ITGA11: variants seen among roughly 807,000 people sequenced by gnomAD.
The protein encoded by ITGA11 is integrin alpha-11.
Under a neutral mutation model 141.9 loss-of-function variants are expected in ITGA11, and 97 were observed. That is an observed-to-expected ratio of 0.68 (90% confidence interval 0.58 to 0.81). The LOEUF is 0.81. Among genes scored for constraint, ITGA11 ranks in the 30% least tolerant of loss-of-function variants. The pLI is 0.00. For missense variants in ITGA11, 1,387 were observed against 1,559.2 expected (o/e 0.89, Z 1.86); for synonymous variants, 658 against 624.6 (o/e 1.05, Z -0.80).
intron 1 of ITGA11, among the ~76,000 whole-genome samples, chr15:68,413,675 C>G (rs754168797): frequency 6.6e-6 from 1 of 152,150 alleles, no homozygotes; most frequent in African/African-American, 2.4e-5. Context: ...TTTGTAACAT[C>G]GAAGACCCAC....
intron 2 of ITGA11, among the ~76,000 whole-genome samples, chr15:68,374,820 C>A (rs1225778811): frequency 6.6e-6 from 1 of 152,250 alleles, no homozygotes; most frequent in East Asian, 1.9e-4. Context: ...CTCACAGCCT[C>A]CCTCTGCAAG....
chr15:68,368,588 C>T (rs1049643230), intron 3 of ITGA11, among the ~76,000 whole-genome samples: 6 of 152,178 alleles, frequency 3.9e-5, no homozygotes, highest in Non-Finnish European at 8.8e-5. Context: ...CTTGCATTTC[C>T]GAAGGGCAGT....
chr15:68,323,348 C>CTGTT (rs1174313426), intron 18 of ITGA11, among the ~76,000 whole-genome samples: 1 of 152,212 alleles, frequency 6.6e-6, no homozygotes, highest in African/African-American at 2.4e-5. Context: ...ACTCAGCATA[C>CTGTT]TGTTTAAGAA....
intron 20 of ITGA11, among the ~76,000 whole-genome samples, chr15:68,317,780 A>G (rs1893644469): frequency 6.6e-6 from 1 of 152,110 alleles, no homozygotes; most frequent in South Asian, 2.1e-4. Flanking sequence ...TACAGTTATG[A>G]TGATTATTTG....
intron 12 of ITGA11, 58 bp from the exon 13 acceptor site, chr15:68,332,536 G>A (rs1225723728): frequency 3.8e-6 from 6 of 1,565,058 alleles, no homozygotes; most frequent in Non-Finnish European, 5.2e-6. Flanking sequence ...ACAACCCAGA[G>A]CCCTCGCCTC....
intron 1 of ITGA11, among the ~76,000 whole-genome samples, chr15:68,416,299 G>T (rs1218001768): frequency 6.6e-6 from 1 of 152,184 alleles, no homozygotes; most frequent in African/African-American, 2.4e-5. Context: ...AGGAGTGAGG[G>T]TCCCTTCCCT....
Position 68,326,808 on chromosome 15 carries a change from G to C in ITGA11, c.2069-12C>G, listed in dbSNP as rs1893989752. 1.3e-6 allele frequency: 2 copies of C among 1,571,224 alleles called. No individual in the cohort carries two copies. The highest frequency in any genetic ancestry group is 3.7e-5 in the Admixed American group (2 of 54,334). On this transcript the variant is annotated splice_polypyrimidine_tract_variant and intron_variant, in intron 16 of 29. Coordinates refer to ENST00000315757, the MANE Select transcript of ITGA11 (RefSeq NM_001004439.2). The surrounding 1 kb of genome is among the most constrained non-coding windows in gnomAD (Gnocchi z 6.8). Reference sequence around the variant, plus strand: ...GTTGTATCTGATGCCTGCAGGAGGGGAGAGGGCAAGACCACAAAGGTGGAG... The same window carrying C: ...GTTGTATCTGATGCCTGCAGGAGGGCAGAGGGCAAGACCACAAAGGTGGAG...
chr15:68,313,315 T>G (rs576885914), intron 23 of ITGA11, among the ~76,000 whole-genome samples: 9 of 144,712 alleles, frequency 6.2e-5, no homozygotes, highest in African/African-American at 2.3e-4. Context: ...TGGGGGCCAG[T>G]AGCATGCCAA....
chr15:68,431,268 G>T (rs1019589791), intron 1 of ITGA11, among the ~76,000 whole-genome samples: 4 of 152,094 alleles, frequency 2.6e-5, no homozygotes, highest in Admixed American at 6.5e-5. Context: ...TGCATTAGGC[G>T]GCGGCGCGCG....
intron 21 of ITGA11, among the ~76,000 whole-genome samples, chr15:68,316,928 C>G (rs1209200038): frequency 6.6e-6 from 1 of 152,160 alleles, no homozygotes; most frequent in Non-Finnish European, 1.5e-5. Flanking sequence ...CTCCCCATCC[C>G]TCCTCATACA....
intron 9 of ITGA11, 116 bp from the exon 10 acceptor site, chr15:68,349,016 C>T (rs560620085): frequency 3.8e-6 from 3 of 786,320 alleles, no homozygotes; most frequent in Admixed American, 2.9e-5. Flanking sequence ...AGGTGGGGCT[C>T]TCTTTCGAGG....
chr15:68,351,181 T>A, intron 8 of ITGA11, 77 bp downstream of exon 8: 1 of 1,492,712 alleles, frequency 6.7e-7, no homozygotes, highest in Non-Finnish European at 9.2e-7. Context: ...CTGGAACTAG[T>A]CCCTTGGAGT....
chr15:68,362,667 AATGG>A (rs968767876), intron 4 of ITGA11, among the ~76,000 whole-genome samples: 1 of 151,966 alleles, frequency 6.6e-6, no homozygotes, highest in African/African-American at 2.4e-5. Context: ...TGGATGGATA[AATGG>A]ATGGAAGATG....
chr15:68,384,831 G>A (rs1478679531), intron 2 of ITGA11, among the ~76,000 whole-genome samples: 1 of 152,206 alleles, frequency 6.6e-6, no homozygotes, highest in Non-Finnish European at 1.5e-5. Flanking sequence ...AAGAGCAAAG[G>A]ATGTTGCTCA....
At position 68,332,200 on chromosome 15, in the gene ITGA11, C is replaced by A. The variant is rs1894194734; in HGVS notation, c.1566+138G>T. 6 of 1,263,728 alleles carry A rather than the reference C, an allele frequency of 4.7e-6. No individual in the cohort carries two copies. In the East Asian group the frequency reaches 7.6e-5, roughly 16 times the overall value. The allele number at this position is 1,263,728 out of a possible 1,614,324, so 78.3% of individuals were successfully genotyped here. ...CCCGTCTCTGGCTATATGAACCCAG[C>A]CACAGAGGAGGCTCTGATTCTCCCC... On this transcript the variant is annotated intron_variant, in intron 13 of 29. Transcript: ENST00000315757.
chr15:68,383,715 A>T (rs1460814969), intron 2 of ITGA11, among the ~76,000 whole-genome samples: 2 of 152,214 alleles, frequency 1.3e-5, no homozygotes, highest in Non-Finnish European at 2.9e-5. Flanking sequence ...AGTTATAGAA[A>T]GCCACTCTCA....
chr15:68,335,638 C>G lies in ITGA11; in HGVS notation c.1425+59G>C, dbSNP rs1259512054. The G allele has an allele frequency of 5.1e-6, 8 of 1,579,888 alleles. No homozygotes were observed. Among genetic ancestry groups the G allele is most frequent in the Non-Finnish European group, 6.0e-6 (7 of 1,157,514 alleles). ...GGCATGCCTGTATTTACTGCCCTCC[C>G]ATTTGTCTGATCTGCCCCCTCTTCC... is the stretch of plus-strand genomic sequence containing the variant. On this transcript the variant is annotated intron_variant, in intron 12 of 29. Transcript: ENST00000315757. The surrounding 1 kb of genome is among the most constrained non-coding windows in gnomAD (Gnocchi z 4.9).
intron 12 of ITGA11, among the ~76,000 whole-genome samples, chr15:68,334,953 C>A (rs1475741344): frequency 6.6e-6 from 1 of 152,072 alleles, no homozygotes; most frequent in Non-Finnish European, 1.5e-5. Context: ...GAGGGTGGCG[C>A]TCTGCAGTGA....
intron 19 of ITGA11, among the ~76,000 whole-genome samples, chr15:68,320,641 G>A (rs2140287457): frequency 6.6e-6 from 1 of 152,304 alleles, no homozygotes; most frequent in Non-Finnish European, 1.5e-5. Context: ...TGAACCCAGA[G>A]CTCTTATTTG....
Sources: gnomAD v4.1 joint callset for allele counts (sites outside exome capture counted in the v4.1 genomes callset) on GRCh38, gnomAD v4.1.1 for gene constraint, Gnocchi (gnomAD v3.1) non-coding constraint, MANE v1.5 for transcripts, NCBI Gene and HGNC (gene_info 2026-07-23, HGNC 2026-07-21) for gene names.